Variants in SLC24A4 observed in about 807,000 individuals in gnomAD.
The protein encoded by SLC24A4 is solute carrier family 24 member 4.
In SLC24A4, 53 loss-of-function variants were observed where a neutral mutation model predicts 79.0. The observed-to-expected ratio is 0.67, with a 90% confidence interval of 0.54 to 0.84. The LOEUF is 0.84. Ranked by LOEUF, SLC24A4 falls within the 40% of genes least tolerant of loss-of-function variation. The pLI, the probability that SLC24A4 is intolerant of heterozygous loss-of-function variation, is 0.00. For synonymous variants in SLC24A4, 323 were observed against 323.8 expected (o/e 1.00, Z 0.03); for missense variants, 731 against 822.0 (o/e 0.89, Z 1.35).
At chr14:92,409,415 C>CATTCAG in intron 2 of SLC24A4, among the ~76,000 whole-genome samples, 1 of 152,300 alleles carries the variant, frequency 6.6e-6, no homozygotes, top group East Asian at 1.9e-4. Flanking sequence ...AAAGGCAGCG[C>CATTCAG]ATTCAGTGTT....
chr14:92,340,018 C>CTGCA (rs1886036733), intron 2 of SLC24A4, among the ~76,000 whole-genome samples: 2 of 152,170 alleles, frequency 1.3e-5, no homozygotes, highest in South Asian at 4.1e-4. Context: ...TGGGGGTCAT[C>CTGCA]AACCCTGTTT....
chr14:92,343,382 C>T (rs1376208075), intron 2 of SLC24A4, among the ~76,000 whole-genome samples: 1 of 152,190 alleles, frequency 6.6e-6, no homozygotes, highest in African/African-American at 2.4e-5. Context: ...AAGCAGTTTG[C>T]AGACGTACCA....
chr14:92,493,667 T>C lies in SLC24A4; in HGVS notation c.*39T>C, dbSNP rs754574524. 1.2e-6 allele frequency: 2 copies of C among 1,608,210 alleles called. No homozygotes were observed. Among genetic ancestry groups the C allele is most frequent in the African/African-American group, 1.3e-5 (1 of 74,998 alleles). The stretch of plus-strand genomic sequence containing the variant: ...CCCCTGGGAGCTGATCTGGACACCC[T>C]GTGACACTGGCGTTCTCCTCTCCCC... On this transcript the variant is annotated 3_prime_UTR_variant, in exon 17 of 17. Transcript: ENST00000532405.
At chr14:92,489,975 G>A (rs1176760607) in intron 14 of SLC24A4, among the ~76,000 whole-genome samples, 1 of 152,196 alleles carries the variant, frequency 6.6e-6, no homozygotes, top group Non-Finnish European at 1.5e-5. Flanking sequence ...ACTCCTAACA[G>A]GACTAAGCTA....
chr14:92,394,588 A>G (rs773779405), intron 2 of SLC24A4, among the ~76,000 whole-genome samples: 6 of 152,216 alleles, frequency 3.9e-5, no homozygotes, highest in Non-Finnish European at 5.9e-5. Context: ...GACTTCTGCC[A>G]GCTGTTAAAT....
At position 92,343,640 on chromosome 14, in the gene SLC24A4, C is replaced by CTTTCTT. The variant is rs1380798664; in HGVS notation, c.241+17663_241+17664insTTCTTT. On this transcript the variant is annotated intron_variant, in intron 2 of 16. Transcript: ENST00000532405. ...TCTTTCTTTCTTTCTTTCTTTCTTT[C>CTTTCTT]TCTCTTTCCTTCTTTCCTTCCTTCC... 9.8e-4 allele frequency among the ~76,000 whole-genome samples: 93 copies of CTTTCTT among 95,184 alleles called. 1 individual carries two copies. The highest frequency in any genetic ancestry group is 1.9e-3 in the Non-Finnish European group (77 of 41,314). The allele number at this position is 95,184 out of a possible 152,430, so 62.4% of individuals were successfully genotyped here.
intron 2 of SLC24A4, among the ~76,000 whole-genome samples, chr14:92,419,380 A>C (rs1389793876): frequency 3.9e-5 from 6 of 152,162 alleles, no homozygotes; most frequent in Admixed American, 3.9e-4. Flanking sequence ...GTGCTTCTGA[A>C]TCCAGGCACC....
intron 2 of SLC24A4, among the ~76,000 whole-genome samples, chr14:92,385,962 AAG>A (rs1889134031): frequency 1.3e-5 from 2 of 152,022 alleles, no homozygotes; most frequent in African/African-American, 4.8e-5. Flanking sequence ...ATGGAGGAGG[AAG>A]AGTTTCCGGA....
At chr14:92,453,098 G>A (rs1032036476) in intron 10 of SLC24A4, 2 of 152,200 alleles carry the variant, frequency 1.3e-5, no homozygotes, top group Admixed American at 6.5e-5. Flanking sequence ...CAAGGATACC[G>A]GCCCAGTGCA....
intron 2 of SLC24A4, among the ~76,000 whole-genome samples, chr14:92,409,598 A>AT (rs2141786275): frequency 6.6e-6 from 1 of 152,340 alleles, no homozygotes; most frequent in East Asian, 1.9e-4. Flanking sequence ...GAAACAAAAT[A>AT]TTACCAGACT....
intron 2 of SLC24A4, among the ~76,000 whole-genome samples, chr14:92,408,202 T>TGTGTGTGTGTGTGTGTGTGTG (rs33968349): frequency 9.2e-5 from 14 of 151,436 alleles, no homozygotes; most frequent in Middle Eastern, 3.2e-3. Context: ...TGTGTGTGTG[T>TGTGTGTGTGTGTGTGTGTGTG]TTCACATCCA....
intron 13 of SLC24A4, among the ~76,000 whole-genome samples, chr14:92,483,414 C>T (rs1595358004): frequency 6.6e-6 from 1 of 152,302 alleles, no homozygotes; most frequent in South Asian, 2.1e-4. Context: ...GTAATTTCCC[C>T]AAGGTTACAC....
intron 2 of SLC24A4, among the ~76,000 whole-genome samples, chr14:92,372,651 G>A (rs751953684): frequency 7.2e-5 from 11 of 152,126 alleles, no homozygotes; most frequent in Non-Finnish European, 1.5e-4. Flanking sequence ...CTAGCAAAAT[G>A]TGCCTGCGTT....
intron 2 of SLC24A4, among the ~76,000 whole-genome samples, chr14:92,396,276 GAA>G (rs1889773043): frequency 6.6e-6 from 1 of 152,166 alleles, no homozygotes; most frequent in Non-Finnish European, 1.5e-5. Context: ...CATTTTGCTA[GAA>G]AATAGACTGA....
At chr14:92,454,877 GAATCAATGAAATTTGACCGAATC>G (rs769233717) in intron 11 of SLC24A4, among the ~76,000 whole-genome samples, 3,913 of 152,260 alleles carry the variant, frequency 0.026, 62 homozygotes, top group Non-Finnish European at 0.042. Context: ...GGTAAAATTT[GAATCAATGAAATTTGACCGAATC>G]CAGGCCGTCT....
intron 2 of SLC24A4, among the ~76,000 whole-genome samples, chr14:92,400,306 G>A (rs963558308): frequency 1.3e-5 from 2 of 152,022 alleles, no homozygotes; most frequent in African/African-American, 4.8e-5. Flanking sequence ...GGGCATGGTG[G>A]CATGCGCCTG....
chr14:92,334,883 A>ATCATCG (rs1234674150), intron 2 of SLC24A4, among the ~76,000 whole-genome samples: 1 of 148,746 alleles, frequency 6.7e-6, no homozygotes, highest in Non-Finnish European at 1.5e-5. Context: ...CATCATCATC[A>ATCATCG]TCATCGTCAT....
intron 12 of SLC24A4, among the ~76,000 whole-genome samples, chr14:92,459,382 G>A (rs927613971): frequency 5.3e-5 from 8 of 152,204 alleles, no homozygotes; most frequent in Admixed American, 5.2e-4. Flanking sequence ...GCTGGAACCA[G>A]ATGGCTCCTG....
At chr14:92,449,252 T>C in intron 10 of SLC24A4, 36 bp downstream of exon 10, 1 of 1,607,664 alleles carries the variant, frequency 6.2e-7, no homozygotes, top group South Asian at 1.1e-5. Flanking sequence ...CAGAAATGTG[T>C]CCTGGAAGCC....
Sources: allele counts gnomAD v4.1 joint callset (sites outside exome capture counted in the v4.1 genomes callset), GRCh38; gene constraint gnomAD v4.1.1; transcripts MANE v1.5; gene names NCBI Gene and HGNC (gene_info 2026-07-23, HGNC 2026-07-21).